DLG2: variants seen among roughly 807,000 people sequenced by gnomAD.
DLG2 encodes discs large MAGUK scaffold protein 2.
In DLG2, 45 loss-of-function variants were observed where a neutral mutation model predicts 132.5. That is an observed-to-expected ratio of 0.34 (90% confidence interval 0.27 to 0.44). The LOEUF is 0.44. Among genes scored for constraint, DLG2 ranks in the 20% least tolerant of loss-of-function variants. The pLI is 1.00. For missense variants in DLG2, 1,045 were observed against 1,196.9 expected, an observed-to-expected ratio of 0.87 and a Z score of 1.87; for synonymous variants, 424 against 419.6, an observed-to-expected ratio of 1.01 and a Z score of -0.13.
intron 6 of DLG2, among the ~76,000 whole-genome samples, chr11:85,088,064 T>C (rs892932729): frequency 3.9e-5 from 6 of 152,150 alleles, no homozygotes; most frequent in African/African-American, 1.4e-4. Flanking sequence ...TAAAATGCTA[T>C]TGTTTGTAGT....
intron 7 of DLG2, among the ~76,000 whole-genome samples, chr11:84,417,160 G>A (rs530894516): frequency 6.6e-6 from 1 of 152,324 alleles, no homozygotes; most frequent in African/African-American, 2.4e-5. Flanking sequence ...TGGATGGATG[G>A]AGATATGCTG....
intron 3 of DLG2, among the ~76,000 whole-genome samples, chr11:85,588,649 AT>A (rs1392407994): frequency 2.0e-5 from 3 of 152,060 alleles, no homozygotes; most frequent in Non-Finnish European, 4.4e-5. Context: ...GAGTAACTTA[AT>A]TATCAACCTT....
At chr11:84,551,477 C>T (rs1365029014) in intron 6 of DLG2, among the ~76,000 whole-genome samples, 4 of 152,226 alleles carry the variant, frequency 2.6e-5, no homozygotes, top group Admixed American at 1.3e-4. Context: ...TTTCAGATTA[C>T]TGCCTGTGAC....
At chr11:85,051,525 T>C (rs926821795) in intron 6 of DLG2, among the ~76,000 whole-genome samples, 1 of 152,110 alleles carries the variant, frequency 6.6e-6, no homozygotes, top group African/African-American at 2.4e-5. Flanking sequence ...AATATATTAA[T>C]AAACAAAACA....
At chr11:84,337,834 T>G (rs1294729194) in intron 7 of DLG2, among the ~76,000 whole-genome samples, 1 of 152,174 alleles carries the variant, frequency 6.6e-6, no homozygotes, top group Non-Finnish European at 1.5e-5. Flanking sequence ...AAAGTTTCTC[T>G]CCAACATACC....
intron 3 of DLG2, among the ~76,000 whole-genome samples, chr11:85,497,866 G>A (rs933611158): frequency 6.6e-6 from 1 of 152,186 alleles, no homozygotes; most frequent in Non-Finnish European, 1.5e-5. Flanking sequence ...ATCTTTTACA[G>A]ACAAGCAAAT....
At chr11:85,207,212 G>A (rs1214401810) in intron 4 of DLG2, among the ~76,000 whole-genome samples, 2 of 152,116 alleles carry the variant, frequency 1.3e-5, no homozygotes, top group Non-Finnish European at 2.9e-5. Context: ...GGAAAACAGA[G>A]TTTACCTTCT....
At chr11:83,750,937 T>A (rs1486039786) in intron 18 of DLG2, among the ~76,000 whole-genome samples, 1 of 152,218 alleles carries the variant, frequency 6.6e-6, no homozygotes, top group Non-Finnish European at 1.5e-5. Context: ...GATATTTTAC[T>A]AGGCACTAGA....
chr11:84,483,484 A>C (rs1282112788), intron 7 of DLG2, among the ~76,000 whole-genome samples: 1 of 151,556 alleles, frequency 6.6e-6, no homozygotes, highest in Non-Finnish European at 1.5e-5. Context: ...CTGTAAGCAG[A>C]AAGAAACTTA....
chr11:85,390,522 A>T (rs1230565008), intron 3 of DLG2, among the ~76,000 whole-genome samples: 1 of 151,866 alleles, frequency 6.6e-6, no homozygotes, highest in Non-Finnish European at 1.5e-5. Context: ...TATTTACAGA[A>T]CTTTCTACCC....
intron 9 of DLG2, among the ~76,000 whole-genome samples, chr11:84,105,152 C>T (rs905390427): frequency 6.6e-6 from 1 of 152,094 alleles, no homozygotes; most frequent in African/African-American, 2.4e-5. Context: ...GGAACCGCTT[C>T]ATTGGATTTT....
intron 22 of DLG2, among the ~76,000 whole-genome samples, chr11:83,478,865 A>G (rs144514618): frequency 2.5e-4 from 38 of 152,168 alleles, no homozygotes; most frequent in African/African-American, 9.1e-4. Context: ...AGGGCAGCTT[A>G]GGTGTTATTA....
chr11:84,290,308 G>T (rs2097972699), intron 7 of DLG2, among the ~76,000 whole-genome samples: 1 of 152,158 alleles, frequency 6.6e-6, no homozygotes, highest in South Asian at 2.1e-4. Context: ...CACTTTACAT[G>T]TTTTTCCAGG....
chr11:85,605,247 T>G (rs1184156077), intron 2 of DLG2, among the ~76,000 whole-genome samples: 1 of 152,220 alleles, frequency 6.6e-6, no homozygotes. Flanking sequence ...ATAACAGATT[T>G]GGAGCTTAAT....
At chr11:84,894,125 C>T (rs1247219559) in intron 6 of DLG2, among the ~76,000 whole-genome samples, 3 of 152,064 alleles carry the variant, frequency 2.0e-5, no homozygotes, top group African/African-American at 4.8e-5. Flanking sequence ...TCTCATCTTT[C>T]AAAGGTTCTC....
At chr11:84,541,659 C>A (rs185601977) in intron 6 of DLG2, among the ~76,000 whole-genome samples, 1 of 152,004 alleles carries the variant, frequency 6.6e-6, no homozygotes, top group African/African-American at 2.4e-5. Context: ...AATGCCCAAC[C>A]GACAAATGAC....
rs2099279608 is a variant in DLG2 at position 84,518,242 on chromosome 11, ACAC to A, written c.519+16325_519+16327del. 1.3e-5 allele frequency among the ~76,000 whole-genome samples: 2 copies of A among 148,536 alleles called. 1 individual carries two copies. Among genetic ancestry groups the A allele is most frequent in the Non-Finnish European group, 3.0e-5 (2 of 66,722 alleles). ...TTTAATAGGCTACTACAGATATCAC[ACAC>A]TGATCTTTTTGCAATGAAGAATGAT... On this transcript the variant is annotated intron_variant, in intron 7 of 27. Transcript: ENST00000376104.
chr11:84,045,857 A>T (rs1292016077), intron 11 of DLG2, among the ~76,000 whole-genome samples: 1 of 151,666 alleles, frequency 6.6e-6, no homozygotes, highest in Non-Finnish European at 1.5e-5. Context: ...AGGAGACTTG[A>T]CAGTGGCCTA....
chr11:83,870,982 G>A (rs1184415701), intron 16 of DLG2, among the ~76,000 whole-genome samples: 6 of 152,160 alleles, frequency 3.9e-5, no homozygotes, highest in Admixed American at 1.3e-4. Context: ...TGTTTCCATA[G>A]GTGATCAAAG....
Sources: allele counts gnomAD v4.1 joint callset (sites outside exome capture counted in the v4.1 genomes callset), GRCh38; gene constraint gnomAD v4.1.1; transcripts MANE v1.5; gene names NCBI Gene and HGNC (gene_info 2026-07-23, HGNC 2026-07-21).